The following FRYL variants were observed in gnomAD, a reference collection of about 807,000 sequenced individuals.
FRYL encodes protein furry homolog-like.
Under a neutral mutation model 351.2 loss-of-function variants are expected in FRYL, and 150 were observed. That is an observed-to-expected ratio of 0.43 (90% confidence interval 0.37 to 0.49). The LOEUF is 0.49. FRYL is among the 20% of genes least tolerant of loss of function. The pLI is 0.00. For synonymous variants in FRYL, 1,153 were observed against 1,257.1 expected, an observed-to-expected ratio of 0.92 and a Z score of 1.75; for missense variants, 3,036 against 3,619.3, an observed-to-expected ratio of 0.84 and a Z score of 4.13.
chr4:48,509,937 C>G, intron 59 of FRYL, 122 bp downstream of exon 59: 1 of 628,598 alleles, frequency 1.6e-6, no homozygotes, highest in Non-Finnish European at 2.8e-6. Context: ...CTGCTGCTCT[C>G]AGGAAAACCC....
In FRYL at chr4:48,620,795, T is replaced by C. The variant is rs1003737577; in HGVS notation, c.175-17A>G. ...GCTTATCAACTGAAAACACAAGATATTACCAGAAAATAAATTGTAACACTG... is the reference window on the plus strand; with the variant it reads ...GCTTATCAACTGAAAACACAAGATACTACCAGAAAATAAATTGTAACACTG... On this transcript the variant is annotated splice_polypyrimidine_tract_variant and intron_variant, in intron 5 of 63. Transcript: ENST00000358350. The C allele has an allele frequency of 1.2e-6, 2 of 1,602,792 alleles. No homozygotes were observed. The highest frequency in any genetic ancestry group is 1.7e-5 in the Admixed American group (1 of 59,306).
At chr4:48,766,985 CTATATAT>C (rs1015947855) in intron 1 of FRYL, among the ~76,000 whole-genome samples, 46 of 146,440 alleles carry the variant, frequency 3.1e-4, no homozygotes, top group Admixed American at 8.2e-4. Flanking sequence ...TAATATATAT[CTATATAT>C]TATATATTAT....
intron 47 of FRYL, among the ~76,000 whole-genome samples, chr4:48,536,461 TC>T (rs1411361830): frequency 1.3e-5 from 2 of 152,190 alleles, no homozygotes; most frequent in African/African-American, 4.8e-5. Context: ...TAAAGGCTAC[TC>T]CAAAATGTAC....
intron 17 of FRYL, 118 bp from the exon 18 acceptor site, chr4:48,589,995 T>C: frequency 2.4e-6 from 2 of 828,170 alleles, no homozygotes; most frequent in Non-Finnish European, 1.9e-6. Flanking sequence ...ACAAAAGGGG[T>C]TTCAACTGTG....
chr4:48,642,091 A>C (rs1158325521), intron 3 of FRYL, among the ~76,000 whole-genome samples: 1 of 152,164 alleles, frequency 6.6e-6, no homozygotes, highest in Non-Finnish European at 1.5e-5. Context: ...TCCATACTCA[A>C]ATATGCTTTT....
intron 55 of FRYL, among the ~76,000 whole-genome samples, chr4:48,518,548 C>A (rs758535847): frequency 1.3e-5 from 2 of 152,178 alleles, no homozygotes; most frequent in African/African-American, 2.4e-5. Flanking sequence ...AGATCATGTT[C>A]TTCTTCAATG....
chr4:48,656,787 G>A (rs576933939), intron 3 of FRYL, among the ~76,000 whole-genome samples: 1 of 150,266 alleles, frequency 6.7e-6, no homozygotes, highest in Non-Finnish European at 1.5e-5. Flanking sequence ...TGGAACACAC[G>A]CAAGAAATTA....
chr4:48,772,677 A>G lies in FRYL; in HGVS notation c.-384+7401T>C, dbSNP rs549028369. On this transcript the variant is annotated intron_variant, in intron 1 of 63. Coordinates refer to ENST00000358350, the MANE Select transcript of FRYL (RefSeq NM_015030.2). ...AGCTTACCCTGAAATGAAGAGACCTACCAAAAAAAAAAAAAAAAAAAAAAA... is the reference window on the plus strand; with the variant it reads ...AGCTTACCCTGAAATGAAGAGACCTGCCAAAAAAAAAAAAAAAAAAAAAAA... Among the ~76,000 whole-genome samples, 283 of 80,420 alleles carry G rather than the reference A, an allele frequency of 3.5e-3. 3 individuals carry two copies. The highest frequency in any genetic ancestry group is 5.9e-3 in the Non-Finnish European group (236 of 40,222). The allele number at this position is 80,420 out of a possible 152,430, so 52.8% of individuals were successfully genotyped here.
chr4:48,500,288 G>A, intron 62 of FRYL, 68 bp from the exon 63 acceptor site: 2 of 910,930 alleles, frequency 2.2e-6, no homozygotes, highest in Non-Finnish European at 3.3e-6. Context: ...TTGGCTACAA[G>A]AATATACCTG....
rs1474262120 is a variant in FRYL at position 48,613,346 on chromosome 4, GGTTT to G, written c.412-3527_412-3524del. 2.6e-5 allele frequency among the ~76,000 whole-genome samples: 4 copies of G among 151,994 alleles called. No homozygotes were observed. The South Asian group carries it at 8.3e-4, about 32-fold the overall frequency. On this transcript the variant is annotated intron_variant, in intron 7 of 63. Coordinates refer to ENST00000358350, the MANE Select transcript of FRYL (RefSeq NM_015030.2). ...AGGGATGCTCAACCTGTATATACAG[GGTTT>G]GATATTATCCATAATATCAGGTACC...
At chr4:48,603,409 AC>A (rs766755242) in intron 11 of FRYL, 21 bp from the exon 12 acceptor site, 1 of 1,407,470 alleles carries the variant, frequency 7.1e-7, no homozygotes, top group East Asian at 2.3e-5. Context: ...GATAATGCAA[AC>A]AAAGAAAATG....
chr4:48,590,903 C>T, intron 16 of FRYL, 73 bp from the exon 17 acceptor site: 1 of 1,112,936 alleles, frequency 9.0e-7, no homozygotes, highest in Non-Finnish European at 1.3e-6. Context: ...AGAAATATTT[C>T]ATCAGTAACA....
intron 1 of FRYL, among the ~76,000 whole-genome samples, chr4:48,753,319 G>A (rs758762277): frequency 6.6e-6 from 1 of 152,098 alleles, no homozygotes; most frequent in Admixed American, 6.5e-5. Context: ...AGTATAAAAG[G>A]TACAACTGAG....
At chr4:48,727,880 A>G (rs1289697897) in intron 1 of FRYL, among the ~76,000 whole-genome samples, 1 of 152,114 alleles carries the variant, frequency 6.6e-6, no homozygotes, top group Non-Finnish European at 1.5e-5. Flanking sequence ...GACAGGAAAT[A>G]CCCAACTCTA....
intron 4 of FRYL, among the ~76,000 whole-genome samples, chr4:48,625,562 T>C (rs1225826933): frequency 6.6e-6 from 1 of 152,220 alleles, no homozygotes. Context: ...ACTATTTCTA[T>C]AGCATTTACA....
chr4:48,732,150 A>C (rs2149628134), intron 1 of FRYL, among the ~76,000 whole-genome samples: 1 of 152,338 alleles, frequency 6.6e-6, no homozygotes, highest in East Asian at 1.9e-4. Flanking sequence ...GATGACACTT[A>C]CGCAGCCAAC....
intron 47 of FRYL, among the ~76,000 whole-genome samples, chr4:48,538,224 T>G (rs1245088696): frequency 6.6e-6 from 1 of 152,180 alleles, no homozygotes; most frequent in African/African-American, 2.4e-5. Context: ...AAGACTTATT[T>G]TTGGCTTACT....
At chr4:48,763,210 C>T (rs575915640) in intron 1 of FRYL, among the ~76,000 whole-genome samples, 2 of 151,270 alleles carry the variant, frequency 1.3e-5, no homozygotes, top group Non-Finnish European at 2.9e-5. Flanking sequence ...CCTCTAATTC[C>T]AAGCACTTTG....
chr4:48,690,566 C>T (rs938812148), intron 2 of FRYL, among the ~76,000 whole-genome samples: 2 of 152,158 alleles, frequency 1.3e-5, no homozygotes, highest in African/African-American at 4.8e-5. Flanking sequence ...CACAATAAAT[C>T]TTTAACTATT....
Sources: allele counts gnomAD v4.1 joint callset (sites outside exome capture counted in the v4.1 genomes callset), GRCh38; gene constraint gnomAD v4.1.1; transcripts MANE v1.5; gene names NCBI Gene and HGNC (gene_info 2026-07-23, HGNC 2026-07-21).